ELMO1: variants seen among roughly 807,000 people sequenced by gnomAD.
ELMO1 encodes the protein engulfment and cell motility 1.
Under a neutral mutation model 98.9 loss-of-function variants are expected in ELMO1, and 26 were observed. The observed-to-expected ratio is 0.26, with a 90% confidence interval of 0.19 to 0.36. The LOEUF is 0.36. Among genes scored for constraint, ELMO1 ranks in the 10% least tolerant of loss-of-function variants. The probability of loss-of-function intolerance (pLI) is 1.00; values close to 1 mark genes in which losing one functional copy is unlikely to be tolerated. For synonymous variants in ELMO1, 346 were observed against 346.0 expected (o/e 1.00, Z 0.00); for missense variants, 627 against 935.2 (o/e 0.67, Z 4.30).
chr7:37,033,611 A>C (rs888095656), intron 15 of ELMO1, among the ~76,000 whole-genome samples: 1 of 152,212 alleles, frequency 6.6e-6, no homozygotes, highest in Non-Finnish European at 1.5e-5. Flanking sequence ...GTCCCGGTAC[A>C]CTGAATATCT....
At chr7:36,923,771 G>A (rs1380962018) in intron 16 of ELMO1, among the ~76,000 whole-genome samples, 2 of 152,140 alleles carry the variant, frequency 1.3e-5, no homozygotes, top group Non-Finnish European at 2.9e-5. Context: ...ATATACTACA[G>A]GTATTGGGCA....
rs1235472502 is a variant in ELMO1 at position 36,853,817 on chromosome 7, G to A, written c.*1734C>T. Among the ~76,000 whole-genome samples the A allele has an allele frequency of 6.6e-6, 1 of 152,174 alleles. No individual in the cohort carries two copies. Among genetic ancestry groups the A allele is most frequent in the African/African-American group, 2.4e-5 (1 of 41,446 alleles). On this transcript the variant is annotated 3_prime_UTR_variant, in exon 22 of 22. Transcript: ENST00000310758. ...TTGGACCCTTCTGACATCCCTCCCA[G>A]TGCTGGGAGTTTACAATCCTGATAA... is the stretch of plus-strand genomic sequence containing the variant.
chr7:37,255,194 G>A (rs1212032062), intron 6 of ELMO1, among the ~76,000 whole-genome samples: 5 of 152,164 alleles, frequency 3.3e-5, no homozygotes, highest in Non-Finnish European at 7.3e-5. Context: ...CCTCTCAAGA[G>A]ATGATTAATT....
intron 2 of ELMO1, among the ~76,000 whole-genome samples, chr7:37,340,082 C>G (rs566336608): frequency 1.3e-5 from 2 of 152,234 alleles, no homozygotes; most frequent in East Asian, 3.9e-4. Flanking sequence ...AAACATAGTA[C>G]ATGATCCTGG....
chr7:37,091,007 T>C (rs1562994241), intron 15 of ELMO1, among the ~76,000 whole-genome samples: 1 of 152,216 alleles, frequency 6.6e-6, no homozygotes, highest in Non-Finnish European at 1.5e-5. Context: ...GACATCGGAA[T>C]ATAATTGGGT....
chr7:36,938,116 C>T (rs953212211), intron 16 of ELMO1, among the ~76,000 whole-genome samples: 3 of 152,194 alleles, frequency 2.0e-5, no homozygotes, highest in Admixed American at 2.0e-4. Flanking sequence ...TCCAAGCTCA[C>T]AGTCAAGATG....
At chr7:37,097,356 G>A (rs992386868) in intron 14 of ELMO1, among the ~76,000 whole-genome samples, 4 of 152,136 alleles carry the variant, frequency 2.6e-5, no homozygotes, top group East Asian at 1.9e-4. Context: ...TGGCCAACAT[G>A]GCGAATAAAA....
At chr7:37,178,889 G>A (rs1003867530) in intron 13 of ELMO1, among the ~76,000 whole-genome samples, 5 of 152,200 alleles carry the variant, frequency 3.3e-5, no homozygotes, top group Non-Finnish European at 5.9e-5. Flanking sequence ...CTGAGAAGCT[G>A]TCGCAGGTTG....
intron 15 of ELMO1, among the ~76,000 whole-genome samples, chr7:37,046,134 CAAGA>C (rs1470515938): frequency 1.3e-5 from 2 of 152,154 alleles, no homozygotes; most frequent in South Asian, 2.1e-4. Context: ...ATAAATAAGC[CAAGA>C]AAGAGTCAGT....
chr7:37,391,179 C>T (rs182853528), intron 1 of ELMO1, among the ~76,000 whole-genome samples: 3 of 152,046 alleles, frequency 2.0e-5, no homozygotes, highest in East Asian at 1.9e-4. Context: ...CGTGGTGGCT[C>T]GATCTCAGCT....
chr7:36,981,965 T>C (rs1449361193), intron 16 of ELMO1, among the ~76,000 whole-genome samples: 2 of 152,224 alleles, frequency 1.3e-5, no homozygotes, highest in African/African-American at 4.8e-5. Context: ...ACTGGCCTAG[T>C]GTGCAAGGAA....
At chr7:37,349,665 G>A (rs1256888701) in intron 1 of ELMO1, among the ~76,000 whole-genome samples, 2 of 152,052 alleles carry the variant, frequency 1.3e-5, no homozygotes, top group East Asian at 3.9e-4. Flanking sequence ...TGTTGGCCAG[G>A]CTGGTCTCGA....
intron 6 of ELMO1, among the ~76,000 whole-genome samples, chr7:37,251,487 G>C (rs577948594): frequency 3.3e-4 from 50 of 152,292 alleles, no homozygotes; most frequent in African/African-American, 1.0e-3. Context: ...CAGCTGGAGA[G>C]AGACCTTTTA....
At chr7:37,244,499 A>C in intron 6 of ELMO1, 108 bp from the exon 7 acceptor site, 1 of 1,133,176 alleles carries the variant, frequency 8.8e-7, no homozygotes, top group South Asian at 1.4e-5. Flanking sequence ...GACAGATTTA[A>C]CTGCCATGAA....
chr7:36,975,174 G>T (rs1275811312), intron 16 of ELMO1, among the ~76,000 whole-genome samples: 1 of 152,162 alleles, frequency 6.6e-6, no homozygotes, highest in Non-Finnish European at 1.5e-5. Flanking sequence ...GTCAACAGAT[G>T]AAATTTTTCA....
At chr7:36,971,906 T>C (rs1196655559) in intron 16 of ELMO1, among the ~76,000 whole-genome samples, 1 of 152,220 alleles carries the variant, frequency 6.6e-6, no homozygotes, top group African/African-American at 2.4e-5. Flanking sequence ...AGCAGAGATT[T>C]TTTTTAAACC....
At chr7:37,237,138 T>A (rs567651259) in intron 7 of ELMO1, among the ~76,000 whole-genome samples, 8 of 152,346 alleles carry the variant, frequency 5.3e-5, no homozygotes, top group Admixed American at 4.6e-4. Context: ...TTCAAATAAA[T>A]GTTTCTCATC....
intron 2 of ELMO1, among the ~76,000 whole-genome samples, chr7:37,336,333 G>T (rs558550449): frequency 2.6e-5 from 4 of 152,334 alleles, no homozygotes; most frequent in Admixed American, 6.5e-5. Context: ...CATATGGGCA[G>T]TTTCACTAAC....
intron 13 of ELMO1, among the ~76,000 whole-genome samples, chr7:37,167,007 T>G (rs1426905109): frequency 6.6e-6 from 1 of 152,128 alleles, no homozygotes; most frequent in Non-Finnish European, 1.5e-5. Flanking sequence ...AGTTGCTTTA[T>G]GAATCTGGGT....
Sources: allele counts gnomAD v4.1 joint callset (sites outside exome capture counted in the v4.1 genomes callset), GRCh38; gene constraint gnomAD v4.1.1; transcripts MANE v1.5; gene names NCBI Gene and HGNC (gene_info 2026-07-23, HGNC 2026-07-21).